Variants in ABLIM1 observed in about 807,000 individuals in gnomAD.
ABLIM1 encodes the protein actin-binding LIM protein 1.
A neutral mutation model predicts 107.0 loss-of-function variants in ABLIM1; 40 were observed. That is an observed-to-expected ratio of 0.37 (90% CI 0.29 to 0.49). The LOEUF is 0.49. ABLIM1 is among the 20% of genes least tolerant of loss of function. ABLIM1 has a pLI of 0.97. For synonymous variants in ABLIM1, 357 were observed against 357.3 expected (o/e 1.00, Z 0.01); for missense variants, 857 against 1,008.5 (o/e 0.85, Z 2.04).
At chr10:114,770,789 C>T (rs1346851254), upstream of ABLIM1, among the ~76,000 whole-genome samples, 1 of 152,154 alleles carries the variant, frequency 6.6e-6, no homozygotes, top group Non-Finnish European at 1.5e-5. Flanking sequence ...AGATATCATA[C>T]TAGTAAGATA....
intron 1 of ABLIM1, among the ~76,000 whole-genome samples, chr10:114,732,454 T>C (rs1289693091): frequency 6.6e-6 from 1 of 152,180 alleles, no homozygotes; most frequent in Non-Finnish European, 1.5e-5. Flanking sequence ...CAGTTCTTTA[T>C]ATATTCTGAA....
chr10:114,441,672 G>A, intron 18 of ABLIM1, 50 bp downstream of exon 18: 1 of 1,538,670 alleles, frequency 6.5e-7, no homozygotes, highest in Non-Finnish European at 9.0e-7. Context: ...CTTCAACCAG[G>A]GCCGAGGTGG....
chr10:114,558,169 A>G (rs2069055855), intron 4 of ABLIM1, among the ~76,000 whole-genome samples: 1 of 152,126 alleles, frequency 6.6e-6, no homozygotes. Flanking sequence ...CCAATTCTCA[A>G]GGTCAAGAAC....
intron 1 of ABLIM1, among the ~76,000 whole-genome samples, chr10:114,605,353 T>A (rs1056518883): frequency 2.6e-5 from 4 of 152,202 alleles, no homozygotes; most frequent in African/African-American, 9.6e-5. Context: ...AATACAGACA[T>A]GACATTGATT....
At chr10:114,657,792 T>G (rs906673830) in intron 1 of ABLIM1, among the ~76,000 whole-genome samples, 165 bp downstream of exon 1, 2 of 152,216 alleles carry the variant, frequency 1.3e-5, no homozygotes, top group Non-Finnish European at 2.9e-5. Context: ...TAGCTACACT[T>G]ATGTTACATT....
At chr10:114,475,751 T>C (rs2056269359) in intron 8 of ABLIM1, among the ~76,000 whole-genome samples, 1 of 152,214 alleles carries the variant, frequency 6.6e-6, no homozygotes, top group Admixed American at 6.5e-5. Context: ...GAGGTGGTTA[T>C]GTGAGCAGGA....
At chr10:114,599,863 A>G (rs2075814613) in intron 2 of ABLIM1, among the ~76,000 whole-genome samples, 1 of 151,978 alleles carries the variant, frequency 6.6e-6, no homozygotes, top group Admixed American at 6.6e-5. Context: ...TCATTTATGG[A>G]TTGTATTTAT....
intron 12 of ABLIM1, among the ~76,000 whole-genome samples, chr10:114,455,988 A>AT (rs975523133): frequency 6.6e-6 from 1 of 151,672 alleles, no homozygotes; most frequent in African/African-American, 2.4e-5. Context: ...AATTTTTTGA[A>AT]TTTTTTTAGT....
rs201917780 is a variant in ABLIM1 at position 114,666,630 on chromosome 10, T to C, written c.64+17660A>G. Among the ~76,000 whole-genome samples, 31 of 151,438 alleles carry C rather than the reference T, an allele frequency of 2.0e-4. No homozygotes were observed. In the East Asian group the frequency reaches 2.9e-3, roughly 14 times the overall value. ...CTCAGCAACCTCAGGTGGGTTCTTATTGAAGCTTGGTTACTTCATCTGTAA... is the reference window on the plus strand; with the variant it reads ...CTCAGCAACCTCAGGTGGGTTCTTACTGAAGCTTGGTTACTTCATCTGTAA... On this transcript the variant is annotated intron_variant, in intron 1 of 23. Transcript: ENST00000369256.
At chr10:114,468,580 C>T (rs960811608) in intron 10 of ABLIM1, among the ~76,000 whole-genome samples, 5 of 151,840 alleles carry the variant, frequency 3.3e-5, no homozygotes, top group African/African-American at 9.7e-5. Context: ...GGCCTCTTTG[C>T]CAGTTTTAAT....
chr10:114,695,902 T>C (rs1416111236), intron 1 of ABLIM1, among the ~76,000 whole-genome samples: 1 of 152,186 alleles, frequency 6.6e-6, no homozygotes, highest in Admixed American at 6.5e-5. Context: ...TCCAGACTCT[T>C]ATTGCCATCG....
At chr10:114,510,124 G>T (rs1268355600) in intron 6 of ABLIM1, among the ~76,000 whole-genome samples, 1 of 152,166 alleles carries the variant, frequency 6.6e-6, no homozygotes, top group Non-Finnish European at 1.5e-5. Context: ...TGAGATTTGG[G>T]TGGGGACACA....
intron 12 of ABLIM1, among the ~76,000 whole-genome samples, chr10:114,455,767 G>T (rs2062690473): frequency 6.6e-6 from 1 of 151,422 alleles, no homozygotes; most frequent in Admixed American, 6.6e-5. Flanking sequence ...AGATGCTAGT[G>T]CAATAAGTCC....
chr10:114,633,927 C>T (rs1319339736), intron 1 of ABLIM1, among the ~76,000 whole-genome samples: 1 of 151,878 alleles, frequency 6.6e-6, no homozygotes, highest in Non-Finnish European at 1.5e-5. Flanking sequence ...CACTTAAGCA[C>T]CTGTCTCCAA....
intron 12 of ABLIM1, among the ~76,000 whole-genome samples, chr10:114,453,945 A>C (rs1326936461): frequency 6.6e-6 from 1 of 152,166 alleles, no homozygotes; most frequent in Non-Finnish European, 1.5e-5. Context: ...CTCCGATCTG[A>C]AGGTTAAGTC....
At chr10:114,601,061 C>T (rs1247952005) in intron 2 of ABLIM1, among the ~76,000 whole-genome samples, 2 of 7,402 alleles carry the variant, frequency 2.7e-4, no homozygotes, top group Non-Finnish European at 9.4e-4. Flanking sequence ...CACACACACA[C>T]ACACACACAC....
the ABLIM1 span, among the ~76,000 whole-genome samples, chr10:114,781,230 G>A: frequency 3.3e-5 from 5 of 152,134 alleles, no homozygotes; most frequent in Non-Finnish European, 7.3e-5. Flanking sequence ...TGGGCCGGGT[G>A]CAGTGGCTTA....
intron 7 of ABLIM1, among the ~76,000 whole-genome samples, chr10:114,489,253 G>A (rs2058610680): frequency 6.6e-6 from 1 of 152,136 alleles, no homozygotes; most frequent in African/African-American, 2.4e-5. Flanking sequence ...CTGACCTCAA[G>A]CGATCCACCC....
chr10:114,595,947 C>T (rs907645005), intron 2 of ABLIM1, among the ~76,000 whole-genome samples: 4 of 152,180 alleles, frequency 2.6e-5, no homozygotes, highest in African/African-American at 9.7e-5. Context: ...TCTGGATGTA[C>T]CATGTTACTC....
Sources: allele counts gnomAD v4.1 joint callset (sites outside exome capture counted in the v4.1 genomes callset), GRCh38; gene constraint gnomAD v4.1.1; transcripts MANE v1.5; gene names NCBI Gene and HGNC (gene_info 2026-07-23, HGNC 2026-07-21).